ZNF44: variants seen among roughly 807,000 people sequenced by gnomAD.
ZNF44 encodes gonadotropin inducible transcription repressor-2.
ZNF44 carries 9 observed loss-of-function variants against 11.7 expected under a neutral mutation model. The observed-to-expected ratio is 0.77, with a 90% CI of 0.46 to 1.35. The LOEUF (loss-of-function observed/expected upper bound fraction) is 1.35, where lower values mean the gene tolerates loss of function less well. Among genes scored for constraint, ZNF44 ranks in the 40% most tolerant of loss-of-function variants. The pLI, the probability that ZNF44 is intolerant of heterozygous loss-of-function variation, is 0.00. For synonymous variants in ZNF44, 224 were observed against 242.7 expected, an observed-to-expected ratio of 0.92 and a Z score of 0.72; for missense variants, 696 against 743.1, an observed-to-expected ratio of 0.94 and a Z score of 0.74.
chr19:12,259,702 C>T (rs945236581), intron 5 of ZNF44, among the ~76,000 whole-genome samples: 3 of 152,276 alleles, frequency 2.0e-5, no homozygotes, highest in Admixed American at 6.5e-5. Context: ...ACCTCCCCTA[C>T]GGCAATGGTT....
chr19:12,229,087 A>G (rs1916044888), intron 3 of ZNF44, among the ~76,000 whole-genome samples: 1 of 152,186 alleles, frequency 6.6e-6, no homozygotes, highest in Admixed American at 6.5e-5. Flanking sequence ...AAAATATTTG[A>G]TTTAAGCACT....
intron 1 of ZNF44, among the ~76,000 whole-genome samples, chr19:12,288,893 A>G (rs936782554): frequency 4.7e-5 from 7 of 149,508 alleles, no homozygotes; most frequent in African/African-American, 1.7e-4. Context: ...ACTGACATCA[A>G]TTCTGGCTCC....
At chr19:12,243,245 A>G (rs148113480), downstream of ZNF44, among the ~76,000 whole-genome samples, 189 of 152,330 alleles carry the variant, frequency 1.2e-3, 4 homozygotes, top group East Asian at 0.036. Context: ...ACCACAGTCA[A>G]ATTAACACAT....
Position 12,294,707 on chromosome 19 carries a change from C to T in ZNF44, c.-13G>A, listed in dbSNP as rs1247613234. The T allele has an allele frequency of 2.6e-6, 4 of 1,557,800 alleles. No individual in the cohort carries two copies. Among genetic ancestry groups the T allele is most frequent in the Non-Finnish European group, 3.5e-6 (4 of 1,151,710 alleles). On this transcript the variant is annotated 5_prime_UTR_variant, in exon 1 of 4. Coordinates refer to ENST00000355684, the MANE Select transcript of ZNF44 (RefSeq NM_016264.4). The stretch of plus-strand genomic sequence containing the variant: ...GCACACTCACCATTTCCCGGCTGTG[C>T]GGTGTCCCGGGTCCTCCCAACTCCC...
chr19:12,273,473 G>C lies in ZNF44; in HGVS notation c.782C>G (p.Ala261Gly), dbSNP rs200239042. The change falls in exon 4 of 4, where the codon GCC becomes GGC. Residue 261 changes from alanine (A) to glycine (G), a missense_variant. By Grantham distance (60) the Ala-to-Gly change is moderately conservative. Coordinates refer to ENST00000355684, the MANE Select transcript of ZNF44 (RefSeq NM_016264.4). ...KPYECKQCSK[A>G]FPDYSSYLRH... ...TAGATATGAACTGTAATCAGGGAAGGCTTTAGAACACTGCTTACATTCATA... is the reference window on the plus strand; with the variant it reads ...TAGATATGAACTGTAATCAGGGAAGCCTTTAGAACACTGCTTACATTCATA... 4.4e-4 allele frequency: 704 copies of C among 1,614,004 alleles called. No homozygotes were observed. The highest frequency in any genetic ancestry group is 5.1e-4 in the Non-Finnish European group (605 of 1,180,012).
At chr19:12,287,069 CAT>C (rs1301547177) in intron 1 of ZNF44, among the ~76,000 whole-genome samples, 6 of 148,366 alleles carry the variant, frequency 4.0e-5, no homozygotes, top group African/African-American at 1.5e-4. Flanking sequence ...TATATATACA[CAT>C]ATATGTATAA....
At chr19:12,257,658 G>A (rs565908358) in intron 5 of ZNF44, among the ~76,000 whole-genome samples, 60 of 110,812 alleles carry the variant, frequency 5.4e-4, no homozygotes, top group South Asian at 8.8e-4. Context: ...AAAATTAACC[G>A]GGCGTGGTGG....
At chr19:12,228,340 G>C (rs544794709) in intron 3 of ZNF44, among the ~76,000 whole-genome samples, 2 of 152,088 alleles carry the variant, frequency 1.3e-5, no homozygotes, top group Non-Finnish European at 2.9e-5. Context: ...TGAAAACCTT[G>C]GTAAGTTTGG....
intron 1 of ZNF44, among the ~76,000 whole-genome samples, chr19:12,289,318 A>G (rs1300402067): frequency 6.6e-6 from 1 of 152,038 alleles, no homozygotes; most frequent in African/African-American, 2.4e-5. Context: ...AAAAACAAAC[A>G]AACAAAAAAA....
Position 12,273,750 on chromosome 19 carries a change from A to G in ZNF44, c.505T>C (p.Tyr169His). The change falls in exon 4 of 4, where the codon TAT (tyrosine) becomes CAT (histidine). Residue 169 changes from tyrosine to histidine, a missense_variant. Tyr to His is a moderately conservative substitution (Grantham distance 83, BLOSUM62 2). Coordinates refer to ENST00000355684, the MANE Select transcript of ZNF44 (RefSeq NM_016264.4). ...GTTTTTCCACATTCCTTACAATCAT[A>G]GGGTTTCTTTCCAGTGTGAGGCCTT... The part of the protein sequence containing the change: ...CERPHTGKKP[Y>H]DCKECGKTFS... 6 of 1,614,170 alleles carry G rather than the reference A, an allele frequency of 3.7e-6. No individual in the cohort carries two copies. The highest frequency in any genetic ancestry group is 5.1e-6 in the Non-Finnish European group (6 of 1,180,022).
chr19:12,249,977 C>T, intron 7 of ZNF44: 3 of 1,285,474 alleles, frequency 2.3e-6, no homozygotes, highest in Non-Finnish European at 3.0e-6. Flanking sequence ...GTGTGACTCA[C>T]CTGAGATTTC....
exon 8 of ZNF44, chr19:12,248,196 T>C: frequency 7.6e-7 from 1 of 1,308,300 alleles, no homozygotes; most frequent in Non-Finnish European, 1.0e-6. Context: ...CTTACATTTG[T>C]AGGGTTTCTC....
chr19:12,247,305 T>C (rs191238405), downstream of ZNF44: 4,392 of 1,268,532 alleles, frequency 3.5e-3, 8 homozygotes, highest in Non-Finnish European at 3.8e-3. Context: ...CTTCACATGG[T>C]ATTGTAAGGA....
chr19:12,253,148 C>T (rs548386903), intron 5 of ZNF44, among the ~76,000 whole-genome samples: 6 of 150,210 alleles, frequency 4.0e-5, no homozygotes, highest in Non-Finnish European at 5.9e-5. Context: ...CTCAGCCGCC[C>T]GAAGTGCTGG....
upstream of ZNF44, among the ~76,000 whole-genome samples, chr19:12,242,245 C>A (rs967167138): frequency 6.6e-6 from 1 of 152,088 alleles, no homozygotes; most frequent in African/African-American, 2.4e-5. Flanking sequence ...CGGTGGCTCA[C>A]GCCTGTAATC....
At position 12,289,911 on chromosome 19, in the gene ZNF44, G is replaced by A. The variant is rs191847908; in HGVS notation, c.3+4781C>T. Among the ~76,000 whole-genome samples, 12 of 152,112 alleles carry A rather than the reference G, an allele frequency of 7.9e-5. No homozygotes were observed. The East Asian group carries it at 2.1e-3, about 27-fold the overall frequency. ...CTCCCAAAGTGGTGGGATTACCGGC[G>A]TGAGCCACCGTGCCTGGCCTAGAAT... On this transcript the variant is annotated intron_variant, in intron 1 of 3. Coordinates refer to ENST00000355684, the MANE Select transcript of ZNF44 (RefSeq NM_016264.4).
At chr19:12,278,787 A>G (rs1436294518) in intron 1 of ZNF44, among the ~76,000 whole-genome samples, 1 of 152,168 alleles carries the variant, frequency 6.6e-6, no homozygotes, top group African/African-American at 2.4e-5. Flanking sequence ...GCTAGGGTAT[A>G]ATTTTTCTTT....
At chr19:12,247,060 A>T (rs949499572), downstream of ZNF44, among the ~76,000 whole-genome samples, 11 of 151,594 alleles carry the variant, frequency 7.3e-5, no homozygotes, top group African/African-American at 2.7e-4. Flanking sequence ...AAAATATATT[A>T]AAAACTAGGA....
chr19:12,233,788 G>A (rs1200020253), intron 2 of ZNF44, among the ~76,000 whole-genome samples: 1 of 152,054 alleles, frequency 6.6e-6, no homozygotes, highest in African/African-American at 2.4e-5. Context: ...GCCTGGCTGG[G>A]CGCAGTGGCT....
Sources: gnomAD v4.1 joint callset for allele counts (sites outside exome capture counted in the v4.1 genomes callset) on GRCh38, gnomAD v4.1.1 for gene constraint, MANE v1.5 for transcripts, NCBI Gene and HGNC (gene_info 2026-07-23, HGNC 2026-07-21) for gene names.